The following DST variants were observed in gnomAD, a reference collection of about 807,000 sequenced individuals.
DST encodes dystonin.
A neutral mutation model predicts 875.2 loss-of-function variants in DST; 253 were observed. The observed-to-expected ratio is 0.29, with a 90% CI of 0.26 to 0.32. The LOEUF (loss-of-function observed/expected upper bound fraction) is 0.32, where lower values mean the gene tolerates loss of function less well. Among genes scored for constraint, DST ranks in the 10% least tolerant of loss-of-function variants. DST has a pLI of 1.00. For missense variants in DST, 8,287 were observed against 9,111.6 expected (o/e 0.91, Z 3.68); for synonymous variants, 3,124 against 3,197.1 (o/e 0.98, Z 0.77).
At position 56,631,911 on chromosome 6, in the gene DST, T is replaced by G; in HGVS notation, c.3935A>C (p.Glu1312Ala). 5 of 1,614,080 alleles carry G rather than the reference T, an allele frequency of 3.1e-6. No homozygotes were observed. Among genetic ancestry groups the G allele is most frequent in the Non-Finnish European group, 4.2e-6 (5 of 1,179,964 alleles). The change falls in exon 29 of 104, where the codon GAA becomes GCA. Residue 1312 changes from glutamate to alanine, a missense_variant. Physicochemically the swap from Glu to Ala is moderately radical, Grantham distance 107. Around this residue, in one of 10 missense-constraint regions of DST, gnomAD observed 3,138 missense variants for 3,116.6 expected, o/e 1.01. Transcript: ENST00000680361. ...RTPLERDDLH[E>A]SVFRITEQEK... is the part of the protein sequence containing the mutation. ...CTGTTCTGTGATTCTGAACACACTT[T>G]CATGCAAATCATCTCTTTCCAGGGG...
At chr6:56,712,830 T>A (rs1352398162) in intron 5 of DST, among the ~76,000 whole-genome samples, 1 of 152,210 alleles carries the variant, frequency 6.6e-6, no homozygotes, top group Non-Finnish European at 1.5e-5. Context: ...ATGATCAAAA[T>A]TCACACTAGT....
At position 56,658,013 on chromosome 6, in the gene DST, G is replaced by A. The variant is rs1474152859; in HGVS notation, c.1215-6769C>T. Among the ~76,000 whole-genome samples the A allele has an allele frequency of 6.6e-5, 10 of 151,912 alleles. 1 individual carries two copies. The highest frequency in any genetic ancestry group is 3.9e-4 in the Admixed American group (6 of 15,270). The stretch of plus-strand genomic sequence containing the variant: ...ACCCCTGACCTCAAGTGATCCACTC[G>A]CCTCGGCCCCCCCAACTGCTGGTAT... On this transcript the variant is annotated intron_variant, in intron 10 of 103. Transcript: ENST00000680361.
chr6:56,581,949 A>G lies in DST; in HGVS notation c.12904-3012T>C, dbSNP rs181968977. Among the ~76,000 whole-genome samples the G allele has an allele frequency of 4.2e-3, 642 of 152,268 alleles. 2 individuals carry two copies. Among genetic ancestry groups the G allele is most frequent in the Non-Finnish European group, 6.5e-3 (439 of 68,008 alleles). ...CCTCCTAGATTCCATCCTAAGGCTT[A>G]TTTTCCACATGCAAATCAACCATTT... is the stretch of plus-strand genomic sequence containing the variant. On this transcript the variant is annotated intron_variant, in intron 49 of 103. Transcript: ENST00000680361.
At position 56,642,583 on chromosome 6, in the gene DST, CA is replaced by C. The variant is rs773555791; in HGVS notation, c.1779-81del. The C allele has an allele frequency of 8.7e-6, 14 of 1,613,472 alleles. 1 individual carries two copies. The Admixed American group carries it at 2.3e-4, about 27-fold the overall frequency. On this transcript the variant is annotated intron_variant, in intron 15 of 103. Transcript: ENST00000680361. ...ACCATTCCTGAAAAGTGCTGCCCAT[CA>C]AAAAGTAAAACACAATCCCACACCA...
intron 10 of DST, among the ~76,000 whole-genome samples, chr6:56,660,539 G>A (rs1215925232): frequency 1.4e-5 from 2 of 148,116 alleles, no homozygotes; most frequent in African/African-American, 5.0e-5. Context: ...TGACTGTTTC[G>A]ATTAAATCAT....
At chr6:56,703,899 G>GA (rs1318938984) in intron 6 of DST, among the ~76,000 whole-genome samples, 153 bp from the exon 7 acceptor site, 1 of 151,514 alleles carries the variant, frequency 6.6e-6, no homozygotes, top group African/African-American at 2.4e-5. Flanking sequence ...GACACCTGCG[G>GA]AATGGGTTAG....
intron 4 of DST, among the ~76,000 whole-genome samples, chr6:56,817,791 A>G (rs1277782479): frequency 6.6e-6 from 1 of 152,216 alleles, no homozygotes; most frequent in Admixed American, 6.5e-5. Context: ...GGCAAGCAGA[A>G]TAATAGTTCC....
intron 4 of DST, among the ~76,000 whole-genome samples, chr6:56,774,990 C>CT (rs1467378715): frequency 7.1e-5 from 9 of 127,042 alleles, no homozygotes; most frequent in Admixed American, 3.2e-4. Context: ...GAAACTCCAT[C>CT]TCAAAAAAAA....
intron 9 of DST, among the ~76,000 whole-genome samples, chr6:56,695,126 C>CAAAAAAAAAAAAAAAAAAAAAA (rs34456344): frequency 4.3e-5 from 3 of 70,056 alleles, no homozygotes; most frequent in African/African-American, 1.7e-4. Flanking sequence ...GACTCCCTCT[C>CAAAAAAAAAAAAAAAAAAAAAA]AAAAAAAAAA....
At chr6:56,843,773 G>T (rs1281515896) in intron 4 of DST, 2 of 506,694 alleles carry the variant, frequency 3.9e-6, no homozygotes, top group African/African-American at 4.1e-5. Context: ...GAGGGCGGAA[G>T]GGAGGGGGCG....
At chr6:56,709,297 G>A (rs1230266288) in intron 5 of DST, among the ~76,000 whole-genome samples, 1 of 152,178 alleles carries the variant, frequency 6.6e-6, no homozygotes, top group East Asian at 1.9e-4. Flanking sequence ...AGATGCTGGC[G>A]ATGACATGGA....
Position 56,851,378 on chromosome 6 carries a change from C to A in DST, c.625+19G>T, listed in dbSNP as rs769417554. 2 of 1,609,466 alleles carry A rather than the reference C, an allele frequency of 1.2e-6. No individual in the cohort carries two copies. Among genetic ancestry groups the A allele is most frequent in the Non-Finnish European group, 8.5e-7 (1 of 1,177,970 alleles). On this transcript the variant is annotated intron_variant, in intron 4 of 103. Coordinates refer to ENST00000680361, the MANE Select transcript of DST (RefSeq NM_001374736.1). ...CAACTCTCTTCCCCCACTCCATCCC[C>A]TTCCCCAGATGCTCTTACCTGCTAT... is the stretch of plus-strand genomic sequence containing the variant.
intron 3 of DST, among the ~76,000 whole-genome samples, chr6:56,884,141 A>C (rs1460226072): frequency 6.6e-6 from 1 of 152,072 alleles, no homozygotes; most frequent in East Asian, 1.9e-4. Context: ...AAAAAAAAAA[A>C]AATTCATTGT....
At position 56,603,319 on chromosome 6, in the gene DST, G is replaced by A. The variant is rs774567402; in HGVS notation, c.11043C>T (p.Gly3681=). ...LKSLPSDFPR[G]HVEELSISHQ... The stretch of plus-strand genomic sequence containing the variant: ...GGCTAATACTCAATTCTTCAACATG[G>A]CCTCTGGGAAAGTCACTGGGAAGAG... The change falls in exon 42 of 104, where the codon GGC becomes GGT. Residue 3681 remains glycine (G), a synonymous_variant. Coordinates refer to ENST00000680361, the MANE Select transcript of DST (RefSeq NM_001374736.1). The A allele has an allele frequency of 6.2e-7, 1 of 1,611,086 alleles. No homozygotes were observed. Among genetic ancestry groups the A allele is most frequent in the South Asian group, 1.1e-5 (1 of 90,958 alleles).
chr6:56,775,944 C>T (rs927567097), intron 4 of DST, among the ~76,000 whole-genome samples: 3 of 152,236 alleles, frequency 2.0e-5, no homozygotes, highest in Non-Finnish European at 4.4e-5. Context: ...TCCCCATCCC[C>T]CGTTGTGGGC....
intron 36 of DST, among the ~76,000 whole-genome samples, chr6:56,621,020 A>C (rs907683311): frequency 1.3e-5 from 2 of 152,200 alleles, no homozygotes; most frequent in Non-Finnish European, 2.9e-5. Context: ...ACAGATGAGG[A>C]AAGGGAGAAA....
At chr6:56,763,409 C>T (rs535249093) in intron 4 of DST, among the ~76,000 whole-genome samples, 1 of 152,018 alleles carries the variant, frequency 6.6e-6, no homozygotes, top group African/African-American at 2.4e-5. Context: ...TGGTGGCTCA[C>T]GCCTGTAATG....
chr6:56,529,403 C>CA (rs1463969924), intron 66 of DST, 45 bp downstream of exon 66: 6 of 1,340,520 alleles, frequency 4.5e-6, no homozygotes, highest in Admixed American at 3.0e-5. Flanking sequence ...GAAATAATGA[C>CA]AATTGAAATG....
chr6:56,646,707 G>T (rs961587489), intron 13 of DST, among the ~76,000 whole-genome samples: 6 of 151,974 alleles, frequency 3.9e-5, no homozygotes, highest in African/African-American at 1.4e-4. Context: ...AACAAATGAA[G>T]GTAGATGCTA....
Sources: gnomAD v4.1 joint callset for allele counts (sites outside exome capture counted in the v4.1 genomes callset) on GRCh38, gnomAD v4.1.1 for gene constraint, gnomAD v4.1.1 regional missense constraint, MANE v1.5 for transcripts, NCBI Gene and HGNC (gene_info 2026-07-23, HGNC 2026-07-21) for gene names.